The following GABRR1 variants were observed in gnomAD, a reference collection of about 807,000 sequenced individuals.
GABRR1 encodes gamma-aminobutyric acid receptor subunit rho-1.
GABRR1 carries 59 observed loss-of-function variants against 55.5 expected under a neutral mutation model. The observed-to-expected ratio is 1.06, with a 90% CI of 0.86 to 1.32. The LOEUF is 1.32. GABRR1 is among the 40% of genes most tolerant of loss of function. The pLI, the probability that GABRR1 is intolerant of heterozygous loss-of-function variation, is 0.00. For synonymous variants in GABRR1, 213 were observed against 226.0 expected (o/e 0.94, Z 0.51); for missense variants, 602 against 619.1 (o/e 0.97, Z 0.29).
intron 7 of GABRR1, among the ~76,000 whole-genome samples, chr6:89,182,708 A>G (rs1771766690): frequency 6.6e-6 from 1 of 151,960 alleles, no homozygotes; most frequent in Non-Finnish European, 1.5e-5. Flanking sequence ...ACTTAATTGG[A>G]GGTCCATTTA....
At chr6:89,220,869 C>T (rs1251682423), upstream of GABRR1, among the ~76,000 whole-genome samples, 1 of 152,038 alleles carries the variant, frequency 6.6e-6, no homozygotes, top group Non-Finnish European at 1.5e-5. Context: ...TACACGCATT[C>T]GCCACTACAC....
At chr6:89,195,867 T>C (rs1772255740) in intron 5 of GABRR1, among the ~76,000 whole-genome samples, 1 of 152,212 alleles carries the variant, frequency 6.6e-6, no homozygotes, top group African/African-American at 2.4e-5. Flanking sequence ...TCAGCCACGA[T>C]GGGAGTATTT....
chr6:89,198,076 G>A lies in GABRR1; in HGVS notation c.516C>T (p.Thr172=), dbSNP rs1456029476. Residue 172 remains threonine, a synonymous_variant, in exon 5 of 10, where the codon ACC becomes ACT. Transcript: ENST00000454853. ...GGACCCGCAACATGACGTTGTCTGT[G>A]GTGGTGTCGTGGATGAAGGAGCGTT... The part of the protein sequence containing the change: ...HSKRSFIHDT[T]TDNVMLRVQP... The A allele has an allele frequency of 1.2e-6, 2 of 1,613,980 alleles. No homozygotes were observed. Among genetic ancestry groups the A allele is most frequent in the Non-Finnish European group, 1.7e-6 (2 of 1,180,026 alleles).
chr6:89,203,457 C>G lies in GABRR1; in HGVS notation c.151G>C (p.Glu51Gln). 2 of 1,613,506 alleles carry G rather than the reference C, an allele frequency of 1.2e-6. No individual in the cohort carries two copies. Among genetic ancestry groups the G allele is most frequent in the Non-Finnish European group, 1.7e-6 (2 of 1,179,462 alleles). ...RPQRQRREVH[E>Q]DAHKQVSPIL... Reference sequence around the variant, plus strand: ...TACCTGACTTGCTTGTGGGCATCTTCATGTACTTCTCGTCTTTGTCTTTGG... The same window carrying G: ...TACCTGACTTGCTTGTGGGCATCTTGATGTACTTCTCGTCTTTGTCTTTGG... Residue 51 changes from glutamate to glutamine, a missense_variant, in exon 2 of 10, where the codon GAA becomes CAA. Physicochemically the swap from Glu to Gln is conservative, Grantham distance 29. Coordinates refer to ENST00000454853, the MANE Select transcript of GABRR1 (RefSeq NM_002042.5).
intron 6 of GABRR1, among the ~76,000 whole-genome samples, chr6:89,188,678 TTTATCAATATA>T (rs1771989259): frequency 6.6e-6 from 1 of 152,224 alleles, no homozygotes; most frequent in Admixed American, 6.5e-5. Flanking sequence ...AGATAGATGA[TTTATCAATATA>T]TTATCAATAT....
At chr6:89,194,311 G>A (rs1772193896) in intron 5 of GABRR1, among the ~76,000 whole-genome samples, 3 of 152,182 alleles carry the variant, frequency 2.0e-5, no homozygotes, top group Non-Finnish European at 1.5e-5. Context: ...GACTGGCGGT[G>A]CAGAGACAGA....
chr6:89,184,885 C>CTTTCTTTTTTTTTTT (rs776768704), intron 7 of GABRR1, among the ~76,000 whole-genome samples: 2 of 123,738 alleles, frequency 1.6e-5, no homozygotes, highest in Non-Finnish European at 3.3e-5. Flanking sequence ...TCTTTTCTTT[C>CTTTCTTTTTTTTTTT]TTTTTTTTTT....
intron 1 of GABRR1, among the ~76,000 whole-genome samples, chr6:89,210,225 A>C (rs1366058555): frequency 1.1e-5 from 1 of 95,100 alleles, no homozygotes; most frequent in African/African-American, 4.2e-5. Flanking sequence ...GATAGTTCTT[A>C]CTCTGTCACC....
chr6:89,201,320 C>G lies in GABRR1; in HGVS notation c.174-55G>C, dbSNP rs981395605. 3.4e-5 allele frequency: 41 copies of G among 1,189,700 alleles called. No individual in the cohort carries two copies. The East Asian group carries it at 9.6e-4, about 28-fold the overall frequency. 73.7% of individuals were successfully genotyped at this position (1,189,700 alleles called of 1,614,324 possible). On this transcript the variant is annotated intron_variant, in intron 2 of 9. Coordinates refer to ENST00000454853, the MANE Select transcript of GABRR1 (RefSeq NM_002042.5). ...ATATATTCCAACCAAGACAAATAAACAGTAACTTGCATTCTGACTTGATCT... is the reference window on the plus strand; with the variant it reads ...ATATATTCCAACCAAGACAAATAAAGAGTAACTTGCATTCTGACTTGATCT...
At position 89,178,763 on chromosome 6, in the gene GABRR1, C is replaced by T; in HGVS notation, c.*7G>A. 6.2e-7 allele frequency: 1 copy of T among 1,601,300 alleles called. No homozygotes were observed. On this transcript the variant is annotated 3_prime_UTR_variant, in exon 10 of 10. Coordinates refer to ENST00000454853, the MANE Select transcript of GABRR1 (RefSeq NM_002042.5). ...TGGAAATGTGAAATTTGTAGAATTA[C>T]AAGCATCTAGGAGAAAATAGACCAG...
intron 1 of GABRR1, among the ~76,000 whole-genome samples, chr6:89,211,654 T>A (rs1266737208): frequency 6.6e-6 from 1 of 152,272 alleles, no homozygotes; most frequent in African/African-American, 2.4e-5. Flanking sequence ...ACCTTCCTAG[T>A]CGGAAGGTCT....
In GABRR1 at chr6:89,181,984, G is replaced by A. The variant is rs994516200; in HGVS notation, c.870C>T (p.Phe290=). ...ACAGCATGACCATCAGGGTAGCGGG[G>A]AAATAAGTTTGGAGCAAGAAGAAGA... The part of the protein sequence containing the change: ...HIFFFLLQTY[F]PATLMVMLSW... The change falls in exon 8 of 10, where the codon TTC becomes TTT. Residue 290 remains phenylalanine (F), a synonymous_variant. Transcript: ENST00000454853. 7 of 1,614,142 alleles carry A rather than the reference G, an allele frequency of 4.3e-6. No individual in the cohort carries two copies. The highest frequency in any genetic ancestry group is 5.9e-6 in the Non-Finnish European group (7 of 1,180,012).
At chr6:89,209,424 G>A (rs556134812) in intron 1 of GABRR1, among the ~76,000 whole-genome samples, 3 of 152,072 alleles carry the variant, frequency 2.0e-5, no homozygotes, top group African/African-American at 7.2e-5. Flanking sequence ...AATGCCTTTT[G>A]AGTGAAATCC....
intron 2 of GABRR1, 96 bp downstream of exon 2, chr6:89,203,339 G>A (rs1772538119): frequency 3.7e-6 from 4 of 1,091,692 alleles, no homozygotes; most frequent in Non-Finnish European, 5.7e-6. Context: ...CTGATCCTTG[G>A]TGAGGGGTCG....
intron 6 of GABRR1, among the ~76,000 whole-genome samples, chr6:89,189,255 C>T (rs1772009702): frequency 6.6e-6 from 1 of 151,380 alleles, no homozygotes; most frequent in Admixed American, 6.6e-5. Flanking sequence ...AGACTTGGAA[C>T]CAACCCAAAT....
chr6:89,180,327 C>G lies in GABRR1; in HGVS notation c.1111G>C (p.Val371Leu), dbSNP rs746879965. 4 of 1,613,820 alleles carry G rather than the reference C, an allele frequency of 2.5e-6. No individual in the cohort carries two copies. The East Asian group carries it at 8.9e-5, about 36-fold the overall frequency. ...EYAAVNYLTTVQERKEQKLRE... is the reference protein window; with the variant it reads ...EYAAVNYLTTLQERKEQKLRE... The stretch of plus-strand genomic sequence containing the variant: ...AGCTTCTGTTCCTTCCTCTCCTGCA[C>G]AGTGGTCAGGTAGTTGACGGCCGCA... Residue 371 changes from valine (V) to leucine (L), a missense_variant, in exon 9 of 10, where the codon GTG (valine) becomes CTG (leucine). By Grantham distance (32) the Val-to-Leu change is conservative. This residue lies in a region of GABRR1 where 139 missense variants were observed against 141.1 expected (regional missense o/e 0.99). Coordinates refer to ENST00000454853, the MANE Select transcript of GABRR1 (RefSeq NM_002042.5).
At chr6:89,217,158 C>T (rs756465312) in intron 1 of GABRR1, 43 bp downstream of exon 1, 3 of 1,602,630 alleles carry the variant, frequency 1.9e-6, no homozygotes, top group Non-Finnish European at 2.6e-6. Flanking sequence ...TCACTTTGTG[C>T]ATCCTCTTTT....
At chr6:89,224,267 CT>C (rs201280085) in intron 1 of GABRR1, among the ~76,000 whole-genome samples, 3,115 of 150,914 alleles carry the variant, frequency 0.021, 40 homozygotes, top group Non-Finnish European at 0.035. Flanking sequence ...AATTTTTGTA[CT>C]TTTAGTAGAG....
chr6:89,230,984 G>A (rs1392169112), intron 1 of GABRR1, among the ~76,000 whole-genome samples: 3 of 151,894 alleles, frequency 2.0e-5, no homozygotes, highest in East Asian at 1.9e-4. Flanking sequence ...TTTTTAAGCC[G>A]GTCTGAAAAG....
Sources: allele counts gnomAD v4.1 joint callset (sites outside exome capture counted in the v4.1 genomes callset), GRCh38; gene constraint gnomAD v4.1.1; regional missense constraint gnomAD v4.1.1; transcripts MANE v1.5; gene names NCBI Gene and HGNC (gene_info 2026-07-23, HGNC 2026-07-21).